The following PDHX variants were observed in gnomAD, a reference collection of about 807,000 sequenced individuals.
PDHX encodes pyruvate dehydrogenase complex component X, also known as pyruvate dehydrogenase protein X component, mitochondrial.
In PDHX, 33 loss-of-function variants were observed where a neutral mutation model predicts 55.3. The ratio of observed to expected loss-of-function variants is 0.60; its 90% CI spans 0.45 to 0.80. The LOEUF (loss-of-function observed/expected upper bound fraction) is 0.80. Among genes scored for constraint, PDHX ranks in the 30% least tolerant of loss-of-function variants. The pLI, the probability that PDHX is intolerant of heterozygous loss-of-function variation, is 0.00. For missense variants in PDHX, 622 were observed against 619.9 expected (o/e 1.00, Z -0.04); for synonymous variants, 226 against 219.4 (o/e 1.03, Z -0.27).
chr11:34,942,987 A>G (rs1247811026), intron 2 of PDHX, among the ~76,000 whole-genome samples: 1 of 152,212 alleles, frequency 6.6e-6, no homozygotes, highest in East Asian at 1.9e-4. Flanking sequence ...AAATGTTAGA[A>G]GCAAAAGAAA....
At chr11:34,983,910 A>C (rs1855582377) in intron 8 of PDHX, among the ~76,000 whole-genome samples, 1 of 152,230 alleles carries the variant, frequency 6.6e-6, no homozygotes, top group African/African-American at 2.4e-5. Context: ...TCTTCAAAGA[A>C]TTGGAAAAAA....
intron 3 of PDHX, among the ~76,000 whole-genome samples, chr11:34,948,628 A>C (rs528627347): frequency 6.1e-5 from 9 of 147,648 alleles, no homozygotes; most frequent in Admixed American, 1.4e-4. Flanking sequence ...AATATGTCAA[A>C]CTCCTTTACT....
Position 34,984,694 on chromosome 11 carries a change from C to G in PDHX, c.1148C>G (p.Ala383Gly), listed in dbSNP as rs773459344. ...LLTPIIKDAAAKGIQEIADSV... is the reference protein window; with the variant it reads ...LLTPIIKDAAGKGIQEIADSV... Reference sequence around the variant, plus strand: ...ACTCCAATCATAAAAGATGCTGCTGCTAAAGGTATCCAGGAAATTGCTGAC... The same window carrying G: ...ACTCCAATCATAAAAGATGCTGCTGGTAAAGGTATCCAGGAAATTGCTGAC... Residue 383 changes from alanine (A) to glycine (G), a missense_variant, in exon 9 of 11, where the codon GCT becomes GGT. Ala to Gly is a moderately conservative substitution (Grantham distance 60, BLOSUM62 0). Coordinates refer to ENST00000227868, the MANE Select transcript of PDHX (RefSeq NM_003477.3). 1.9e-6 allele frequency: 3 copies of G among 1,614,012 alleles called. No individual in the cohort carries two copies. The highest frequency in any genetic ancestry group is 2.5e-6 in the Non-Finnish European group (3 of 1,179,916).
intron 2 of PDHX, among the ~76,000 whole-genome samples, chr11:34,935,554 C>A (rs1854288764): frequency 6.6e-6 from 1 of 152,162 alleles, no homozygotes; most frequent in African/African-American, 2.4e-5. Context: ...CAGGTATTGG[C>A]CACTGGATAA....
chr11:34,979,803 G>C (rs1226855995), intron 8 of PDHX, among the ~76,000 whole-genome samples: 1 of 152,096 alleles, frequency 6.6e-6, no homozygotes, highest in Non-Finnish European at 1.5e-5. Flanking sequence ...AGAGTCATAA[G>C]TAGTGGTAAT....
intron 10 of PDHX, 89 bp downstream of exon 10, chr11:34,992,468 T>C: frequency 2.7e-6 from 2 of 728,916 alleles, no homozygotes; most frequent in South Asian, 3.2e-5. Flanking sequence ...TTATCTGAAA[T>C]ATTTTTTAAA....
At chr11:34,962,616 T>A (rs1234933246) in intron 5 of PDHX, among the ~76,000 whole-genome samples, 1 of 152,110 alleles carries the variant, frequency 6.6e-6, no homozygotes, top group Non-Finnish European at 1.5e-5. Flanking sequence ...TAGTTATAAT[T>A]GAGATCATCA....
chr11:34,927,669 A>G (rs1854056163), intron 1 of PDHX, among the ~76,000 whole-genome samples: 1 of 152,124 alleles, frequency 6.6e-6, no homozygotes, highest in East Asian at 1.9e-4. Flanking sequence ...AGAATGAAAT[A>G]TGTACTTTTA....
intron 4 of PDHX, 73 bp downstream of exon 4, chr11:34,957,656 T>A: frequency 8.4e-7 from 1 of 1,195,740 alleles, no homozygotes; most frequent in Non-Finnish European, 1.2e-6. Context: ...TTGTAATCAT[T>A]ATCATATTCG....
chr11:34,931,327 A>G, intron 1 of PDHX, 77 bp from the exon 2 acceptor site: 1 of 805,650 alleles, frequency 1.2e-6, no homozygotes, highest in Non-Finnish European at 2.2e-6. Context: ...TTTGACGTTA[A>G]TTTACTTGAA....
chr11:34,947,381 A>C (rs1854646047), intron 2 of PDHX, 125 bp from the exon 3 acceptor site: 1 of 682,530 alleles, frequency 1.5e-6, no homozygotes, highest in Admixed American at 2.4e-5. Flanking sequence ...AATTACTTGT[A>C]TTTCCACAAC....
upstream of PDHX, chr11:34,916,546 G>A (rs908720200): frequency 6.7e-7 from 1 of 1,503,526 alleles, no homozygotes; most frequent in Non-Finnish European, 8.9e-7. Context: ...AAGTCTGAGA[G>A]ACCTAAAGGC....
upstream of PDHX, chr11:34,916,296 G>A (rs1275712098): frequency 3.1e-6 from 5 of 1,611,494 alleles, no homozygotes; most frequent in South Asian, 4.4e-5. Context: ...GCCCAGACCA[G>A]GGACCCGCGC....
chr11:34,931,408 T>A lies in PDHX; in HGVS notation c.165T>A (p.Asp55Glu), dbSNP rs1854162259. The change falls in exon 2 of 11, where the codon GAT (aspartate) becomes GAA (glutamate). Residue 55 changes from aspartate (D) to glutamate (E), a missense_variant. By Grantham distance (45) the Asp-to-Glu change is conservative. Coordinates refer to ENST00000227868, the MANE Select transcript of PDHX (RefSeq NM_003477.3). ...TTTCCTTTTTTTCAATTTCAGGTGA[T>A]CCCATTAAGATACTAATGCCATCAC... ...WFHSTQWLRG[D>E]PIKILMPSLS... 1 of 1,580,512 alleles carries A rather than the reference T, an allele frequency of 6.3e-7. No homozygotes were observed. The highest frequency in any genetic ancestry group is 1.3e-5 in the African/African-American group (1 of 74,132).
intron 3 of PDHX, among the ~76,000 whole-genome samples, chr11:34,948,491 A>C (rs1314937672): frequency 1.3e-5 from 2 of 151,696 alleles, no homozygotes; most frequent in Non-Finnish European, 2.9e-5. Context: ...CAAAGACTAC[A>C]CTTCAGAATG....
chr11:34,947,411 A>G (rs780958375), intron 2 of PDHX, 95 bp from the exon 3 acceptor site: 12 of 823,924 alleles, frequency 1.5e-5, no homozygotes, highest in Non-Finnish European at 2.4e-5. Context: ...GCTACGGAAT[A>G]TTTTGGTATT....
chr11:34,916,278 C>A (rs1332111597), upstream of PDHX: 1 of 1,612,468 alleles, frequency 6.2e-7, no homozygotes. Context: ...GCATCACAGC[C>A]AGACATGGCC....
chr11:34,989,925 A>G (rs1184288799), intron 9 of PDHX, among the ~76,000 whole-genome samples: 1 of 152,196 alleles, frequency 6.6e-6, no homozygotes, highest in Non-Finnish European at 1.5e-5. Flanking sequence ...TTTAAAACAA[A>G]TTTCAGTAAA....
At chr11:34,953,056 CAGAG>C (rs1313040706) in intron 3 of PDHX, among the ~76,000 whole-genome samples, 6 of 151,986 alleles carry the variant, frequency 3.9e-5, no homozygotes. Context: ...AACAGACAAA[CAGAG>C]AGCCAAATCA....
Sources: allele counts gnomAD v4.1 joint callset (sites outside exome capture counted in the v4.1 genomes callset), GRCh38; gene constraint gnomAD v4.1.1; transcripts MANE v1.5; gene names NCBI Gene and HGNC (gene_info 2026-07-23, HGNC 2026-07-21).